Variants in PTPRM observed in about 807,000 individuals in gnomAD.
PTPRM encodes the protein protein tyrosine phosphatase receptor type M.
A neutral mutation model predicts 186.7 loss-of-function variants in PTPRM; 47 were observed. That is an observed-to-expected ratio of 0.25 (90% CI 0.20 to 0.32). The LOEUF is 0.32. Among genes scored for constraint, PTPRM ranks in the 10% least tolerant of loss-of-function variants. PTPRM has a pLI of 1.00. For synonymous variants in PTPRM, 668 were observed against 674.9 expected (o/e 0.99, Z 0.16); for missense variants, 1,494 against 1,865.0 (o/e 0.80, Z 3.66).
intron 9 of PTPRM, among the ~76,000 whole-genome samples, chr18:8,077,911 G>C (rs1382083238): frequency 1.3e-5 from 2 of 152,060 alleles, no homozygotes; most frequent in Admixed American, 6.6e-5. Flanking sequence ...AAAACAATGG[G>C]AATAATAATT....
At position 7,889,333 on chromosome 18, in the gene PTPRM, CTT is replaced by C. The variant is rs770886704; in HGVS notation, c.468+976_468+977del. 8.3e-3 allele frequency among the ~76,000 whole-genome samples: 990 copies of C among 119,714 alleles called. 4 individuals carry two copies. Among genetic ancestry groups the C allele is most frequent in the African/African-American group, 0.031 (948 of 30,618 alleles). The allele number at this position is 119,714 out of a possible 152,430, so 78.5% of individuals were successfully genotyped here. On this transcript the variant is annotated intron_variant, in intron 3 of 32. Coordinates refer to ENST00000580170, the MANE Select transcript of PTPRM (RefSeq NM_001105244.2). ...TTTGCAAATATATTTTCTTTTCTTTCTTTTTTTTTTTTTTTTTTTTTGAGACT... is the reference window on the plus strand; with the variant it reads ...TTTGCAAATATATTTTCTTTTCTTTCTTTTTTTTTTTTTTTTTTTGAGACT...
Position 7,835,957 on chromosome 18 carries a change from C to T in PTPRM, c.197-52149C>T, listed in dbSNP as rs374951414. On this transcript the variant is annotated intron_variant, in intron 2 of 32. Transcript: ENST00000580170. ...TTCTATGTGCCTGGAATATCTTTTT[C>T]CATCCCTTTATTTTTAGTTTACCTG... Among the ~76,000 whole-genome samples the T allele has an allele frequency of 1.2e-3, 184 of 152,022 alleles. 3 individuals carry two copies. Among genetic ancestry groups the T allele is most frequent in the African/African-American group, 4.1e-3 (169 of 41,534 alleles).
intron 7 of PTPRM, among the ~76,000 whole-genome samples, chr18:7,958,938 A>G (rs1315729087): frequency 1.3e-5 from 2 of 152,218 alleles, no homozygotes; most frequent in Admixed American, 6.5e-5. Flanking sequence ...TGCTAGAGCC[A>G]GAGTCAGCGG....
intron 22 of PTPRM, among the ~76,000 whole-genome samples, chr18:8,325,738 C>A (rs2095371844): frequency 6.6e-6 from 1 of 152,132 alleles, no homozygotes; most frequent in African/African-American, 2.4e-5. Context: ...GTTGTAAGTT[C>A]TTTGAGAAAT....
chr18:7,722,221 C>T (rs773833598), intron 1 of PTPRM, among the ~76,000 whole-genome samples: 10 of 152,134 alleles, frequency 6.6e-5, no homozygotes, highest in Non-Finnish European at 1.3e-4. Flanking sequence ...TTTGGCTTTT[C>T]CAGAATGTCA....
rs1278985712 is a variant in PTPRM at position 7,568,272 on chromosome 18, C to A, written c.73+381C>A. The stretch of plus-strand genomic sequence containing the variant: ...AAGTTCCCAGTTGCAGCCGCCGGGC[C>A]GCCTGGCGTAGGCGCTGCGCGGTCC... On this transcript the variant is annotated intron_variant, in intron 1 of 32. Transcript: ENST00000580170. This position sits in a 1 kb window ranked among gnomAD's most constrained non-coding sequence, Gnocchi z 5.1. Among the ~76,000 whole-genome samples, 1 of 151,794 alleles carries A rather than the reference C, an allele frequency of 6.6e-6. No individual in the cohort carries two copies. The highest frequency in any genetic ancestry group is 2.4e-5 in the African/African-American group (1 of 41,414).
At chr18:7,932,487 AAGTC>A (rs1309610577) in intron 5 of PTPRM, among the ~76,000 whole-genome samples, 1 of 152,094 alleles carries the variant, frequency 6.6e-6, no homozygotes, top group Non-Finnish European at 1.5e-5. Context: ...TTATTATTGA[AAGTC>A]AGTTTTATAT....
intron 13 of PTPRM, among the ~76,000 whole-genome samples, chr18:8,141,308 G>A (rs537904303): frequency 6.6e-6 from 1 of 152,186 alleles, no homozygotes; most frequent in Non-Finnish European, 1.5e-5. Flanking sequence ...CCTTTTCTGA[G>A]TCACTGTCCC....
intron 14 of PTPRM, among the ~76,000 whole-genome samples, chr18:8,238,588 A>G (rs1367558364): frequency 3.4e-5 from 5 of 146,018 alleles, no homozygotes; most frequent in African/African-American, 1.3e-4. Context: ...GTTAATTCCA[A>G]CGCCTCTGCC....
intron 2 of PTPRM, among the ~76,000 whole-genome samples, chr18:7,863,420 A>T (rs1289848788): frequency 6.7e-6 from 1 of 150,350 alleles, no homozygotes; most frequent in Non-Finnish European, 1.5e-5. Context: ...TCATCGTTCG[A>T]CTCCCTCTTA....
chr18:7,710,923 C>T (rs2040198407), intron 1 of PTPRM, among the ~76,000 whole-genome samples: 1 of 152,136 alleles, frequency 6.6e-6, no homozygotes, highest in Admixed American at 6.5e-5. Context: ...AATGGAAACA[C>T]CCATGCTCAT....
At chr18:8,198,214 A>G (rs2146801497) in intron 14 of PTPRM, among the ~76,000 whole-genome samples, 1 of 152,258 alleles carries the variant, frequency 6.6e-6, no homozygotes, top group South Asian at 2.1e-4. Flanking sequence ...TGGCACAAAC[A>G]TGGCTCACTG....
chr18:8,376,874 G>A (rs2095699537), intron 26 of PTPRM: 2 of 348,738 alleles, frequency 5.7e-6, no homozygotes, highest in Non-Finnish European at 1.0e-5. Context: ...TCTCTGTTAA[G>A]TGCTCAGACT....
intron 1 of PTPRM, among the ~76,000 whole-genome samples, chr18:7,696,356 A>T (rs2039843373): frequency 6.6e-6 from 1 of 152,194 alleles, no homozygotes; most frequent in Non-Finnish European, 1.5e-5. Flanking sequence ...TGACATCTAA[A>T]TTTGAATTTT....
chr18:8,086,089 T>G (rs2090418718), intron 10 of PTPRM, among the ~76,000 whole-genome samples: 1 of 152,142 alleles, frequency 6.6e-6, no homozygotes, highest in South Asian at 2.1e-4. Context: ...GTGGCTATTG[T>G]TTTAGCAGGG....
At chr18:7,580,141 A>G (rs1161234815) in intron 1 of PTPRM, among the ~76,000 whole-genome samples, 1 of 152,240 alleles carries the variant, frequency 6.6e-6, no homozygotes, top group African/African-American at 2.4e-5. Flanking sequence ...GATCTCTCCA[A>G]TATCTTAAAG....
At chr18:7,781,968 T>TA (rs1363304066) in intron 2 of PTPRM, among the ~76,000 whole-genome samples, 1 of 152,220 alleles carries the variant, frequency 6.6e-6, no homozygotes, top group East Asian at 1.9e-4. Flanking sequence ...TCCCTAGGTC[T>TA]TACTCAGACC....
chr18:8,024,682 T>TTTTTTC (rs2085456167), intron 7 of PTPRM, among the ~76,000 whole-genome samples: 1 of 18,460 alleles, frequency 5.4e-5, no homozygotes, highest in Non-Finnish European at 1.2e-4. Context: ...AACCCAAATC[T>TTTTTTC]TTTTTTTTTT....
At chr18:7,884,953 G>GAAAAAAAAA (rs2048708561) in intron 2 of PTPRM, among the ~76,000 whole-genome samples, 3 of 110,472 alleles carry the variant, frequency 2.7e-5, no homozygotes, top group Non-Finnish European at 3.9e-5. Flanking sequence ...AAAAAAAAAG[G>GAAAAAAAAA]AGAGAGAGAA....
Sources: allele counts gnomAD v4.1 joint callset (sites outside exome capture counted in the v4.1 genomes callset), GRCh38; gene constraint gnomAD v4.1.1; non-coding constraint Gnocchi (gnomAD v3.1); transcripts MANE v1.5; gene names NCBI Gene and HGNC (gene_info 2026-07-23, HGNC 2026-07-21).